Variants in TDRD7 observed in about 807,000 individuals in gnomAD.
TDRD7 encodes the protein tudor domain-containing protein 7.
A neutral mutation model predicts 109.8 loss-of-function variants in TDRD7; 47 were observed. The ratio of observed to expected loss-of-function variants is 0.43; its 90% confidence interval spans 0.34 to 0.55. The LOEUF (loss-of-function observed/expected upper bound fraction) is 0.55. TDRD7 is among the 20% of genes least tolerant of loss of function. TDRD7 has a pLI of 0.03. For missense variants in TDRD7, 1,164 were observed against 1,319.2 expected (o/e 0.88, Z 1.82); for synonymous variants, 424 against 457.3 (o/e 0.93, Z 0.93).
At chr9:97,443,439 A>T (rs955671150) in intron 6 of TDRD7, among the ~76,000 whole-genome samples, 3 of 152,234 alleles carry the variant, frequency 2.0e-5, no homozygotes, top group Non-Finnish European at 2.9e-5. Context: ...GTGACCTCTG[A>T]TTTATGTGGA....
chr9:97,463,244 CA>C (rs113565279), intron 7 of TDRD7, among the ~76,000 whole-genome samples: 4 of 149,060 alleles, frequency 2.7e-5, no homozygotes, highest in South Asian at 4.2e-4. Context: ...AACCCTGTCT[CA>C]AAAAAAAAAT....
At chr9:97,439,127 A>T (rs114276740) in intron 4 of TDRD7, 118 bp from the exon 5 acceptor site, 2 of 580,734 alleles carry the variant, frequency 3.4e-6, no homozygotes, top group Non-Finnish European at 5.4e-6. Context: ...AATTATTTTA[A>T]TGACTTGTTT....
intron 6 of TDRD7, among the ~76,000 whole-genome samples, chr9:97,451,602 T>C (rs772343165): frequency 6.6e-6 from 1 of 152,246 alleles, no homozygotes. Context: ...ATATCCTTCA[T>C]AGTAAACCAG....
At chr9:97,474,432 T>C (rs961605901) in intron 11 of TDRD7, among the ~76,000 whole-genome samples, 1 of 152,192 alleles carries the variant, frequency 6.6e-6, no homozygotes, top group East Asian at 1.9e-4. Context: ...TGGGTACTTA[T>C]TTGCCTTTCT....
rs757217000 is a variant in TDRD7 at position 97,428,444 on chromosome 9, T to C, written c.-6-16T>C. The stretch of plus-strand genomic sequence containing the variant: ...AATGAGCCATATTATAGTAACCTTC[T>C]ACTGTGTTCTTATAGGCAAAGATGC... On this transcript the variant is annotated splice_polypyrimidine_tract_variant and intron_variant, in intron 1 of 16. Coordinates refer to ENST00000355295, the MANE Select transcript of TDRD7 (RefSeq NM_014290.3). 1.2e-6 allele frequency: 2 copies of C among 1,611,904 alleles called. No individual in the cohort carries two copies. The highest frequency in any genetic ancestry group is 1.7e-5 in the Admixed American group (1 of 59,968).
chr9:97,420,272 A>G (rs1246514082), intron 1 of TDRD7, among the ~76,000 whole-genome samples: 1 of 151,114 alleles, frequency 6.6e-6, no homozygotes, highest in Admixed American at 6.6e-5. Context: ...AGTGACAGAA[A>G]GCAGATTGGT....
chr9:97,487,458 G>A, intron 16 of TDRD7, 126 bp downstream of exon 16: 2 of 1,226,988 alleles, frequency 1.6e-6, no homozygotes, highest in Non-Finnish European at 2.4e-6. Context: ...GTTTTTTTGT[G>A]CTAATAATAT....
intron 1 of TDRD7, among the ~76,000 whole-genome samples, chr9:97,415,280 A>G (rs1024358673): frequency 6.6e-6 from 1 of 152,234 alleles, no homozygotes; most frequent in Non-Finnish European, 1.5e-5. Context: ...GAGAAGGCAT[A>G]GGATGGAAGC....
At chr9:97,492,568 A>C (rs72749697) in intron 16 of TDRD7, among the ~76,000 whole-genome samples, 3,812 of 152,342 alleles carry the variant, frequency 0.025, 70 homozygotes, top group Non-Finnish European at 0.038. Context: ...TGACTGAACT[A>C]ATATGTGGAT....
chr9:97,478,072 A>T lies in TDRD7; in HGVS notation c.2167-367A>T, dbSNP rs542000310. On this transcript the variant is annotated intron_variant, in intron 12 of 16. Transcript: ENST00000355295. ...CAGGAGTTTGAGACCAGCCTGGCCA[A>T]CATGGTGAAACCCCATCTCTACTAA... Among the ~76,000 whole-genome samples the T allele has an allele frequency of 2.6e-4, 39 of 152,222 alleles. No individual in the cohort carries two copies. In the East Asian group the frequency reaches 7.5e-3, roughly 29 times the overall value.
At chr9:97,446,436 A>G (rs1479969130) in intron 6 of TDRD7, among the ~76,000 whole-genome samples, 2 of 152,236 alleles carry the variant, frequency 1.3e-5, no homozygotes, top group Non-Finnish European at 2.9e-5. Context: ...ACATTTTGTG[A>G]ATGACAAAAT....
At position 97,472,332 on chromosome 9, in the gene TDRD7, T is replaced by C. The variant is rs1828933543; in HGVS notation, c.1781T>C (p.Val594Ala). 7.4e-6 allele frequency: 12 copies of C among 1,613,916 alleles called. No individual in the cohort carries two copies. The highest frequency in any genetic ancestry group is 1.1e-5 in the South Asian group (1 of 91,080). The part of the protein sequence containing the change: ...VLSDDPDLVK[V>A]VESLTCGKIF... The stretch of plus-strand genomic sequence containing the variant: ...AGCGATGACCCTGATCTAGTGAAGG[T>C]GGTTGAATCTTTAACTTGTGGAAAG... Residue 594 changes from valine (V) to alanine (A), a missense_variant, in exon 10 of 17, where the codon GTG becomes GCG. Around this residue, in one of 5 missense-constraint regions of TDRD7, gnomAD observed 261 missense variants for 336.2 expected, o/e 0.78. Transcript: ENST00000355295.
chr9:97,462,619 A>C (rs573104672), intron 7 of TDRD7, among the ~76,000 whole-genome samples: 2 of 152,322 alleles, frequency 1.3e-5, no homozygotes, highest in East Asian at 3.9e-4. Flanking sequence ...CCCTTGTCTC[A>C]GAAATTAACT....
chr9:97,480,228 T>G (rs1829093200), intron 13 of TDRD7: 1 of 158,574 alleles, frequency 6.3e-6, no homozygotes, highest in Admixed American at 5.9e-5. Context: ...CTACAGATGC[T>G]TGTATAGTGG....
intron 5 of TDRD7, 96 bp from the exon 6 acceptor site, chr9:97,441,562 C>A: frequency 8.6e-7 from 1 of 1,157,348 alleles, no homozygotes; most frequent in Non-Finnish European, 1.3e-6. Context: ...CACAAGCCCA[C>A]ACTATAGCAA....
chr9:97,479,344 A>G (rs1829077099), intron 13 of TDRD7, among the ~76,000 whole-genome samples: 2 of 151,986 alleles, frequency 1.3e-5, no homozygotes, highest in Non-Finnish European at 2.9e-5. Flanking sequence ...TTTACTGTCC[A>G]TTGTTCAGCC....
Position 97,460,753 on chromosome 9 carries a change from A to C in TDRD7, c.1431A>C (p.Glu477Asp), listed in dbSNP as rs755645925. ...TGGTTGAACTGAGCAACACAAATGA[A>C]GTGGTTATCAGGCAAGTTTCATTTT... ...VLVVELSNTN[E>D]VVIRYVGKDY... Residue 477 changes from glutamate to aspartate, a missense_variant, in exon 7 of 17, where the codon GAA (glutamate) becomes GAC (aspartate). By Grantham distance (45) the Glu-to-Asp change is conservative. This residue lies in a region of TDRD7 where 261 missense variants were observed against 336.2 expected (regional missense o/e 0.78). Coordinates refer to ENST00000355295, the MANE Select transcript of TDRD7 (RefSeq NM_014290.3). 1.2e-6 allele frequency: 2 copies of C among 1,613,976 alleles called. No homozygotes were observed. The highest frequency in any genetic ancestry group is 1.7e-6 in the Non-Finnish European group (2 of 1,179,876).
intron 1 of TDRD7, among the ~76,000 whole-genome samples, chr9:97,413,843 C>A (rs1827765826): frequency 6.6e-6 from 1 of 152,196 alleles, no homozygotes; most frequent in Non-Finnish European, 1.5e-5. Flanking sequence ...GAAGTGTAAT[C>A]CCCTGCTAAT....
chr9:97,428,416 A>G (rs377495529), intron 1 of TDRD7, 44 bp from the exon 2 acceptor site: 1 of 1,577,100 alleles, frequency 6.3e-7, no homozygotes, highest in Non-Finnish European at 8.7e-7. Flanking sequence ...GAATTCACAA[A>G]CGAATGAGCC....
Sources: gnomAD v4.1 joint callset for allele counts (sites outside exome capture counted in the v4.1 genomes callset) on GRCh38, gnomAD v4.1.1 for gene constraint, gnomAD v4.1.1 regional missense constraint, MANE v1.5 for transcripts, NCBI Gene and HGNC (gene_info 2026-07-23, HGNC 2026-07-21) for gene names.